Variants in KIF3B observed in about 807,000 individuals in gnomAD.
KIF3B encodes the protein kinesin family member 3B.
KIF3B carries 38 observed loss-of-function variants against 74.3 expected under a neutral mutation model. That is an observed-to-expected ratio of 0.51 (90% CI 0.39 to 0.67). The LOEUF (loss-of-function observed/expected upper bound fraction) is 0.67, where lower values mean the gene tolerates loss of function less well. Among genes scored for constraint, KIF3B ranks in the 30% least tolerant of loss-of-function variants. The probability of loss-of-function intolerance (pLI) is 0.00; values close to 1 mark genes in which losing one functional copy is unlikely to be tolerated. For synonymous variants in KIF3B, 326 were observed against 342.5 expected (o/e 0.95, Z 0.53); for missense variants, 649 against 932.0 (o/e 0.70, Z 3.95).
chr20:32,322,656 ATATTTATATATATATT>A, intron 5 of KIF3B, among the ~76,000 whole-genome samples: 1 of 62,114 alleles, frequency 1.6e-5, no homozygotes. Context: ...ATATTTTTAT[ATATTTATATATATATT>A]TATATATTTA....
intron 2 of KIF3B, 117 bp downstream of exon 2, chr20:32,311,298 C>A: frequency 9.0e-7 from 1 of 1,112,972 alleles, no homozygotes; most frequent in Non-Finnish European, 1.3e-6. Context: ...TTTTGGATTT[C>A]CAACAGCTCA....
intron 2 of KIF3B, among the ~76,000 whole-genome samples, chr20:32,315,364 G>A (rs1315167956): frequency 6.6e-6 from 1 of 152,114 alleles, no homozygotes; most frequent in Non-Finnish European, 1.5e-5. Flanking sequence ...TCAGCTGTCT[G>A]TGTATCTGGC....
rs2047930130 is a variant in KIF3B, at chr20:32,331,515, C to T, written c.*196C>T. ...TCTGGCACTCAGCCCCTCTGGGAAA[C>T]ATCTTTTAATTAGCATCTCAGAAAT... On this transcript the variant is annotated 3_prime_UTR_variant, in exon 9 of 9. Coordinates refer to ENST00000375712, the MANE Select transcript of KIF3B (RefSeq NM_004798.4). 1.8e-6 allele frequency: 1 copy of T among 554,950 alleles called. No individual in the cohort carries two copies. Among genetic ancestry groups the T allele is most frequent in the South Asian group, 2.5e-5 (1 of 39,674 alleles). 34.4% of individuals were successfully genotyped at this position (554,950 alleles called of 1,614,324 possible).
intron 1 of KIF3B, among the ~76,000 whole-genome samples, chr20:32,300,074 C>CTGTTTTGTTTTGTTT (rs59811144): frequency 6.7e-6 from 1 of 149,496 alleles, no homozygotes; most frequent in African/African-American, 2.5e-5. Flanking sequence ...CCACACTGGC[C>CTGTTTTGTTTTGTTT]TGTTTTGTTT....
intron 1 of KIF3B, among the ~76,000 whole-genome samples, chr20:32,298,014 CG>C (rs571647996): frequency 3.0e-4 from 46 of 150,920 alleles, no homozygotes; most frequent in African/African-American, 1.1e-3. Context: ...GGAGGCTAAG[CG>C]GGGAGAATCG....
At chr20:32,287,979 T>A (rs1348348213) in intron 1 of KIF3B, among the ~76,000 whole-genome samples, 1 of 144,362 alleles carries the variant, frequency 6.9e-6, no homozygotes, top group Non-Finnish European at 1.5e-5. Flanking sequence ...GCCTCCTGGG[T>A]TCAAGTGATT....
In KIF3B at chr20:32,331,581, A is replaced by G. The variant is rs957711569; in HGVS notation, c.*262A>G. 8 of 469,356 alleles carry G rather than the reference A, an allele frequency of 1.7e-5. No homozygotes were observed. Among genetic ancestry groups the G allele is most frequent in the Admixed American group, 1.3e-4 (3 of 22,980 alleles). The allele number at this position is 469,356 out of a possible 1,614,324, so 29.1% of individuals were successfully genotyped here. A position where few individuals can be genotyped will look rare whatever the true frequency, so the allele number is the denominator to read the frequency against. The stretch of plus-strand genomic sequence containing the variant: ...AGTGCGATAGTTCAAGTGGAAAGCA[A>G]GAGAATGACCAGTGACCTTGCTTCC... On this transcript the variant is annotated 3_prime_UTR_variant, in exon 9 of 9. Coordinates refer to ENST00000375712, the MANE Select transcript of KIF3B (RefSeq NM_004798.4).
intron 1 of KIF3B, among the ~76,000 whole-genome samples, chr20:32,283,321 TG>T: frequency 6.6e-6 from 1 of 152,126 alleles, no homozygotes; most frequent in Middle Eastern, 3.4e-3. Context: ...CTGACCAACA[TG>T]GTGAAACCCC....
At chr20:32,304,773 A>G (rs1346740140) in intron 1 of KIF3B, among the ~76,000 whole-genome samples, 1 of 150,732 alleles carries the variant, frequency 6.6e-6, no homozygotes, top group Admixed American at 6.7e-5. Context: ...GCAGCAGAAC[A>G]GGGTGGCTAG....
Position 32,311,190 on chromosome 20 carries a change from C to A in KIF3B, c.1404+9C>A. On this transcript the variant is annotated intron_variant, in intron 2 of 8. Coordinates refer to ENST00000375712, the MANE Select transcript of KIF3B (RefSeq NM_004798.4). ...TGGGCGCCAAGATCAAGGTACCATA[C>A]CCGTACCCTTCCTTAGGCCCTTGCC... 1 of 1,593,200 alleles carries A rather than the reference C, an allele frequency of 6.3e-7. No individual in the cohort carries two copies. Among genetic ancestry groups the A allele is most frequent in the Non-Finnish European group, 8.5e-7 (1 of 1,170,744 alleles).
rs1049347544 is a variant in KIF3B at position 32,326,986 on chromosome 20, A to G, written c.1862+102A>G. ...CAACAAAGGGGTTTGATAAGAACACAGTTTGGCTTATTTAAACTCAAAACC... is the reference window on the plus strand; with the variant it reads ...CAACAAAGGGGTTTGATAAGAACACGGTTTGGCTTATTTAAACTCAAAACC... On this transcript the variant is annotated intron_variant, in intron 6 of 8. Coordinates refer to ENST00000375712, the MANE Select transcript of KIF3B (RefSeq NM_004798.4). 6.2e-6 allele frequency: 4 copies of G among 647,436 alleles called. No homozygotes were observed. The African/African-American group carries it at 7.2e-5, about 12-fold the overall frequency. The allele number at this position is 647,436 out of a possible 1,614,324, so 40.1% of individuals were successfully genotyped here. A position where few individuals can be genotyped will look rare whatever the true frequency, so the allele number is the denominator to read the frequency against.
chr20:32,295,824 C>T (rs1780024876), intron 1 of KIF3B, among the ~76,000 whole-genome samples: 1 of 149,810 alleles, frequency 6.7e-6, no homozygotes, highest in Admixed American at 6.7e-5. Context: ...AGTAGGTCCC[C>T]TCATTTATCA....
intron 1 of KIF3B, among the ~76,000 whole-genome samples, chr20:32,279,706 C>T (rs1200326143): frequency 1.3e-5 from 2 of 152,152 alleles, no homozygotes; most frequent in African/African-American, 2.4e-5. Context: ...CTCAGGTGAT[C>T]GCCTGCCTTG....
rs900735251 is a variant in KIF3B at position 32,310,964 on chromosome 20, A to C, written c.1187A>C (p.Glu396Ala). 1.2e-6 allele frequency: 2 copies of C among 1,610,448 alleles called. No homozygotes were observed. Among genetic ancestry groups the C allele is most frequent in the Non-Finnish European group, 1.7e-6 (2 of 1,177,474 alleles). ...GGGSGGGGEE[E>A]EEEGEEGEEE... Reference sequence around the variant, plus strand: ...GGCAGTGGTGGGGGTGGGGAAGAGGAGGAGGAGGAGGGAGAAGAGGGTGAG... The same window carrying C: ...GGCAGTGGTGGGGGTGGGGAAGAGGCGGAGGAGGAGGGAGAAGAGGGTGAG... Residue 396 changes from glutamate to alanine, a missense_variant, in exon 2 of 9, where the codon GAG becomes GCG. Around this residue, in one of 4 missense-constraint regions of KIF3B, gnomAD observed 363 missense variants for 592.8 expected, o/e 0.61. Transcript: ENST00000375712. This position sits in a 1 kb window ranked among gnomAD's most constrained non-coding sequence, Gnocchi z 6.5.
In KIF3B at chr20:32,331,418, G is replaced by A. The variant is rs753293870; in HGVS notation, c.*99G>A. 2.2e-6 allele frequency: 2 copies of A among 923,218 alleles called. No individual in the cohort carries two copies. The highest frequency in any genetic ancestry group is 3.3e-6 in the Non-Finnish European group (2 of 597,312). The allele number at this position is 923,218 out of a possible 1,614,324, so 57.2% of individuals were successfully genotyped here. On this transcript the variant is annotated 3_prime_UTR_variant, in exon 9 of 9. Coordinates refer to ENST00000375712, the MANE Select transcript of KIF3B (RefSeq NM_004798.4). ...GAGGATTCGGCCCAAACTCAGAACT[G>A]TTCCCCTGAGGAGAAGCGGTGGCCT...
Position 32,277,706 on chromosome 20 carries a change from CCCGCCGCCGCCGCCGCCG to C in KIF3B, c.-104_-87del, listed in dbSNP as rs756318630. The stretch of plus-strand genomic sequence containing the variant: ...ATGGCTGAGCCAGGGGTTCGCCGCC[CCCGCCGCCGCCGCCGCCG>C]CCGCCGCCGCCGCCGCCGCCCGCTT... On this transcript the variant is annotated 5_prime_UTR_variant, in exon 1 of 9. Coordinates refer to ENST00000375712, the MANE Select transcript of KIF3B (RefSeq NM_004798.4). 1.1e-3 allele frequency: 277 copies of C among 261,174 alleles called. 1 individual carries two copies. Among genetic ancestry groups the C allele is most frequent in the Middle Eastern group, 4.0e-3 (3 of 748 alleles). The allele number at this position is 261,174 out of a possible 1,614,324, so 16.2% of individuals were successfully genotyped here.
chr20:32,325,606 A>AT (rs1331042680), intron 5 of KIF3B, among the ~76,000 whole-genome samples: 3 of 114,462 alleles, frequency 2.6e-5, no homozygotes, highest in Admixed American at 9.2e-5. Flanking sequence ...TCCCCAAAAT[A>AT]TTTTTTTTTC....
In KIF3B at chr20:32,326,779, T is replaced by C. The variant is rs2047905745; in HGVS notation, c.1757T>C (p.Ile586Thr). The change falls in exon 6 of 9, where the codon ATT becomes ACT. Residue 586 changes from isoleucine to threonine, a missense_variant. Ile to Thr is a moderately conservative substitution (Grantham distance 89, BLOSUM62 -1). Around this residue, in one of 4 missense-constraint regions of KIF3B, gnomAD observed 363 missense variants for 592.8 expected, o/e 0.61. Coordinates refer to ENST00000375712, the MANE Select transcript of KIF3B (RefSeq NM_004798.4). ...TATGTGTGCTCTTACAGGCATCTTA[T>C]TATAGAAAACTTTATCCCTCTGGAA... Reference protein sequence around the residue: ...LTRELKLKHLIIENFIPLEEK... With the variant: ...LTRELKLKHLTIENFIPLEEK... 2 of 1,315,908 alleles carry C rather than the reference T, an allele frequency of 1.5e-6. No homozygotes were observed. The highest frequency in any genetic ancestry group is 2.2e-6 in the Non-Finnish European group (2 of 918,886). 81.5% of individuals were successfully genotyped at this position (1,315,908 alleles called of 1,614,324 possible).
In KIF3B at chr20:32,321,900, CT is replaced by C. The variant is rs2047861590; in HGVS notation, c.1749-4867del. Among the ~76,000 whole-genome samples the C allele has an allele frequency of 3.3e-5, 5 of 152,116 alleles. No homozygotes were observed. The South Asian group carries it at 1.0e-3, about 31-fold the overall frequency. On this transcript the variant is annotated intron_variant, in intron 5 of 8. Transcript: ENST00000375712. Reference sequence around the variant, plus strand: ...AGACTACAGTATAGTGTAAGCATAACTTTTATATGCACTGGGAAACCAAAAA... The same window carrying C: ...AGACTACAGTATAGTGTAAGCATAACTTTATATGCACTGGGAAACCAAAAA...
Sources: gnomAD v4.1 joint callset for allele counts (sites outside exome capture counted in the v4.1 genomes callset) on GRCh38, gnomAD v4.1.1 for gene constraint, gnomAD v4.1.1 regional missense constraint, Gnocchi (gnomAD v3.1) non-coding constraint, MANE v1.5 for transcripts, NCBI Gene and HGNC (gene_info 2026-07-23, HGNC 2026-07-21) for gene names.